POLE2: variants seen among roughly 807,000 people sequenced by gnomAD.
POLE2 encodes the protein DNA polymerase epsilon 2, accessory subunit, also known as DNA polymerase epsilon subunit 2.
POLE2 carries 56 observed loss-of-function variants against 79.4 expected under a neutral mutation model. The ratio of observed to expected loss-of-function variants is 0.71; its 90% confidence interval spans 0.57 to 0.88. The LOEUF (loss-of-function observed/expected upper bound fraction) is 0.88, where lower values mean the gene tolerates loss of function less well. Among genes scored for constraint, POLE2 ranks in the 40% least tolerant of loss-of-function variants. The pLI is 0.00. For synonymous variants in POLE2, 212 were observed against 214.0 expected (o/e 0.99, Z 0.08); for missense variants, 598 against 638.9 (o/e 0.94, Z 0.69).
chr14:49,658,943 T>A (rs922032760), intron 10 of POLE2, among the ~76,000 whole-genome samples: 3 of 151,988 alleles, frequency 2.0e-5, no homozygotes, highest in African/African-American at 7.3e-5. Context: ...CTTCAGGAGG[T>A]CCTTCAAGAA....
At chr14:49,650,475 T>C (rs1277991484) in intron 16 of POLE2, 34 bp from the exon 17 acceptor site, 8 of 1,340,926 alleles carry the variant, frequency 6.0e-6, no homozygotes, top group Non-Finnish European at 7.8e-6. Context: ...CAAACTTCAG[T>C]TCATTTGCAA....
At chr14:49,658,481 C>G (rs968792099) in intron 10 of POLE2, among the ~76,000 whole-genome samples, 1 of 152,132 alleles carries the variant, frequency 6.6e-6, no homozygotes, top group African/African-American at 2.4e-5. Flanking sequence ...TGCTGTTCTG[C>G]TAAGCATAAA....
chr14:49,645,922 C>G (rs1434547363), intron 18 of POLE2, among the ~76,000 whole-genome samples: 1 of 152,176 alleles, frequency 6.6e-6, no homozygotes, highest in Non-Finnish European at 1.5e-5. Flanking sequence ...TGAGCCACCA[C>G]GAATGGCTGC....
chr14:49,666,277 G>A (rs758617529), intron 7 of POLE2, 53 bp downstream of exon 7: 21 of 881,220 alleles, frequency 2.4e-5, no homozygotes, highest in Non-Finnish European at 3.1e-5. Flanking sequence ...CTATGTAACC[G>A]ACATTTCATC....
chr14:49,656,141 G>T (rs1422164717), intron 10 of POLE2, among the ~76,000 whole-genome samples: 2 of 152,020 alleles, frequency 1.3e-5, no homozygotes, highest in Non-Finnish European at 2.9e-5. Context: ...GGATCACGAG[G>T]TCAGGAGATC....
intron 4 of POLE2, 62 bp from the exon 5 acceptor site, chr14:49,674,278 G>T: frequency 6.9e-7 from 1 of 1,447,168 alleles, no homozygotes; most frequent in Non-Finnish European, 9.7e-7. Context: ...CAAAAGTGAA[G>T]CAAGAGACTA....
chr14:49,665,793 T>C (rs1885442524), intron 7 of POLE2, among the ~76,000 whole-genome samples: 1 of 150,170 alleles, frequency 6.7e-6, no homozygotes, highest in Admixed American at 6.7e-5. Context: ...AGAGAGAAAA[T>C]GGGTTTCTCT....
chr14:49,647,139 C>T, intron 18 of POLE2, 154 bp downstream of exon 18: 1 of 492,848 alleles, frequency 2.0e-6, no homozygotes, highest in Non-Finnish European at 3.7e-6. Context: ...TTCTGTGTCA[C>T]ACAGCATAAC....
intron 1 of POLE2, among the ~76,000 whole-genome samples, chr14:49,685,274 C>T (rs1377235628): frequency 1.3e-5 from 2 of 152,154 alleles, no homozygotes; most frequent in Non-Finnish European, 2.9e-5. Flanking sequence ...GGTGTTGCAT[C>T]TCTCAAATTT....
chr14:49,662,140 T>C lies in POLE2; in HGVS notation c.755+1175A>G, dbSNP rs41344951. Among the ~76,000 whole-genome samples the C allele has an allele frequency of 8.5e-3, 1,300 of 152,308 alleles. 25 individuals carry two copies. Among genetic ancestry groups the C allele is most frequent in the African/African-American group, 0.029 (1,217 of 41,568 alleles). ...CACTCAAATAGAGGTGAGCTTGGCT[T>C]GATTAGGGCTTGTGTTCTCCTTAGC... On this transcript the variant is annotated intron_variant, in intron 10 of 18. Transcript: ENST00000216367.
At chr14:49,659,701 TTGCC>T (rs1444046396) in intron 10 of POLE2, among the ~76,000 whole-genome samples, 1 of 152,112 alleles carries the variant, frequency 6.6e-6, no homozygotes, top group African/African-American at 2.4e-5. Context: ...CCACTTCAGC[TTGCC>T]AAGTAGCTAG....
intron 1 of POLE2, among the ~76,000 whole-genome samples, chr14:49,684,375 G>A (rs1201592288): frequency 1.3e-5 from 2 of 151,800 alleles, no homozygotes; most frequent in Admixed American, 6.6e-5. Context: ...TGAGGCAGGA[G>A]AATGGCGTGA....
chr14:49,663,060 G>A (rs542487968), intron 10 of POLE2, among the ~76,000 whole-genome samples: 135 of 152,280 alleles, frequency 8.9e-4, no homozygotes, highest in Non-Finnish European at 1.5e-3. Context: ...ATCAACCCCA[G>A]AGATAAAACA....
intron 7 of POLE2, among the ~76,000 whole-genome samples, chr14:49,665,546 C>T (rs1273482645): frequency 1.3e-5 from 2 of 152,204 alleles, no homozygotes; most frequent in Non-Finnish European, 2.9e-5. Context: ...CCAGAGGTCA[C>T]TACAGGCCTA....
chr14:49,674,413 T>C lies in POLE2; in HGVS notation c.260A>G (p.Asn87Ser). The change falls in exon 4 of 19, where the codon AAT (asparagine) becomes AGT (serine). Residue 87 changes from asparagine (N) to serine (S), a missense_variant. Asn to Ser is a conservative substitution (Grantham distance 46). Coordinates refer to ENST00000216367, the MANE Select transcript of POLE2 (RefSeq NM_002692.4). The stretch of plus-strand genomic sequence containing the variant: ...TGGAATATCAAATGCTCCTATGATA[T>C]TGAAAACGTGCTCTCTGAAAAACAT... ...SVDETIEHVF[N>S]IIGAFDIPRF... The C allele has an allele frequency of 6.2e-7, 1 of 1,608,424 alleles. No homozygotes were observed. Among genetic ancestry groups the C allele is most frequent in the Non-Finnish European group, 8.5e-7 (1 of 1,175,704 alleles).
At chr14:49,681,446 C>G (rs1202277427) in intron 2 of POLE2, 1 of 154,530 alleles carries the variant, frequency 6.5e-6, no homozygotes, top group Non-Finnish European at 1.5e-5. Context: ...GGGCATGTTT[C>G]AACAGATGTG....
Position 49,643,994 on chromosome 14 carries a change from C to T in POLE2, c.1566-324G>A, listed in dbSNP as rs187120488. On this transcript the variant is annotated intron_variant, in intron 18 of 18. Transcript: ENST00000216367. ...TCCTGGGTTCGAGTGATTCTCCTGCCTCAGCCTCCTGAGTAGCTGAGATTA... is the reference window on the plus strand; with the variant it reads ...TCCTGGGTTCGAGTGATTCTCCTGCTTCAGCCTCCTGAGTAGCTGAGATTA... 3.5e-3 allele frequency among the ~76,000 whole-genome samples: 521 copies of T among 149,430 alleles called. 4 individuals carry two copies. The highest frequency in any genetic ancestry group is 6.4e-3 in the South Asian group (30 of 4,700).
intron 13 of POLE2, 197 bp downstream of exon 13, chr14:49,654,587 A>G (rs150715129): frequency 1.7e-6 from 1 of 587,892 alleles, no homozygotes; most frequent in East Asian, 3.6e-5. Flanking sequence ...GGCTGAAATT[A>G]CCTCTATCCC....
At chr14:49,680,162 C>A (rs577101694) in intron 2 of POLE2, among the ~76,000 whole-genome samples, 1 of 152,304 alleles carries the variant, frequency 6.6e-6, no homozygotes, top group South Asian at 2.1e-4. Flanking sequence ...CCAGCCCAGA[C>A]AACGTGGTGA....
Sources: allele counts gnomAD v4.1 joint callset (sites outside exome capture counted in the v4.1 genomes callset), GRCh38; gene constraint gnomAD v4.1.1; transcripts MANE v1.5; gene names NCBI Gene and HGNC (gene_info 2026-07-23, HGNC 2026-07-21).